The following SYT9 variants were observed in gnomAD, a reference collection of about 807,000 sequenced individuals.
The protein encoded by SYT9 is synaptotagmin 9, also known as synaptotagmin-9.
Under a neutral mutation model 48.4 loss-of-function variants are expected in SYT9, and 22 were observed. The observed-to-expected ratio is 0.45, with a 90% confidence interval of 0.32 to 0.65. SYT9 has a LOEUF of 0.65. Ranked by LOEUF, SYT9 falls within the 30% of genes least tolerant of loss-of-function variation. The pLI is 0.03. For missense variants in SYT9, 577 were observed against 622.0 expected, an observed-to-expected ratio of 0.93 and a Z score of 0.77; for synonymous variants, 265 against 245.0, an observed-to-expected ratio of 1.08 and a Z score of -0.76.
intron 3 of SYT9, among the ~76,000 whole-genome samples, chr11:7,388,915 G>C (rs942555972): frequency 6.6e-6 from 1 of 152,146 alleles, no homozygotes; most frequent in African/African-American, 2.4e-5. Flanking sequence ...GGGTGAAAAT[G>C]TGTGGTGGTT....
upstream of SYT9, among the ~76,000 whole-genome samples, chr11:7,246,912 G>T (rs1847800070): frequency 6.6e-6 from 1 of 152,152 alleles, no homozygotes; most frequent in Non-Finnish European, 1.5e-5. Flanking sequence ...TAACAAAATA[G>T]CATATACTGG....
chr11:7,363,565 A>T (rs570105675), intron 3 of SYT9, among the ~76,000 whole-genome samples: 29 of 152,322 alleles, frequency 1.9e-4, no homozygotes, highest in African/African-American at 7.0e-4. Flanking sequence ...AACATATTGA[A>T]GGCTTGGGAA....
intron 1 of SYT9, among the ~76,000 whole-genome samples, chr11:7,266,379 C>A (rs1848181809): frequency 6.6e-6 from 1 of 152,088 alleles, no homozygotes; most frequent in Non-Finnish European, 1.5e-5. Context: ...ACAAAGAGAA[C>A]TAGAAAGTCC....
intron 3 of SYT9, among the ~76,000 whole-genome samples, chr11:7,318,838 A>T: frequency 6.6e-6 from 1 of 152,200 alleles, no homozygotes. Context: ...TTGATATAGT[A>T]CATTTTCTTT....
At chr11:7,376,821 A>C (rs938318567) in intron 3 of SYT9, among the ~76,000 whole-genome samples, 5 of 151,956 alleles carry the variant, frequency 3.3e-5, no homozygotes, top group African/African-American at 9.7e-5. Context: ...CAGAGAGAGC[A>C]TACAGGGATG....
chr11:7,455,032 TGTGA>T (rs1453879268), intron 6 of SYT9, among the ~76,000 whole-genome samples: 1 of 152,216 alleles, frequency 6.6e-6, no homozygotes, highest in African/African-American at 2.4e-5. Flanking sequence ...GTTTTGACAT[TGTGA>T]GTATCTTTGA....
intron 6 of SYT9, among the ~76,000 whole-genome samples, chr11:7,462,225 T>A (rs1279635789): frequency 6.6e-6 from 1 of 152,238 alleles, no homozygotes; most frequent in South Asian, 2.1e-4. Flanking sequence ...TTGGCCTTTT[T>A]CAGACTCAGT....
intron 6 of SYT9, among the ~76,000 whole-genome samples, chr11:7,448,722 C>T (rs1847985128): frequency 6.6e-6 from 1 of 152,206 alleles, no homozygotes; most frequent in Admixed American, 6.5e-5. Flanking sequence ...CTTAAAATAA[C>T]TCACTTTTCA....
chr11:7,275,472 A>G (rs1848370431), intron 1 of SYT9, among the ~76,000 whole-genome samples: 1 of 152,174 alleles, frequency 6.6e-6, no homozygotes, highest in African/African-American at 2.4e-5. Flanking sequence ...TGCAACACCA[A>G]ATCCCATTCT....
At chr11:7,367,072 CTTTTTTTTTTTT>C (rs35502843) in intron 3 of SYT9, among the ~76,000 whole-genome samples, 6 of 53,266 alleles carry the variant, frequency 1.1e-4, no homozygotes, top group East Asian at 7.3e-4. Flanking sequence ...AGGAGACCAT[CTTTTTTTTTTTT>C]TTTTTTTTTT....
intron 1 of SYT9, among the ~76,000 whole-genome samples, chr11:7,260,623 C>T (rs1342794934): frequency 2.6e-5 from 4 of 152,164 alleles, no homozygotes; most frequent in African/African-American, 9.7e-5. Context: ...ATTTCAGTTC[C>T]ATGAATGCAG....
At chr11:7,395,631 G>A (rs188064935) in intron 3 of SYT9, among the ~76,000 whole-genome samples, 136 of 152,140 alleles carry the variant, frequency 8.9e-4, no homozygotes, top group African/African-American at 3.2e-3. Flanking sequence ...TTGGTTTAAT[G>A]TATGTTTTAC....
At chr11:7,305,861 C>G in intron 2 of SYT9, among the ~76,000 whole-genome samples, 1 of 152,128 alleles carries the variant, frequency 6.6e-6, no homozygotes. Context: ...GGCACAGTTT[C>G]TGTCACACCA....
At chr11:7,328,349 TTTC>T (rs1849472212) in intron 3 of SYT9, among the ~76,000 whole-genome samples, 1 of 152,082 alleles carries the variant, frequency 6.6e-6, no homozygotes, top group Non-Finnish European at 1.5e-5. Flanking sequence ...TTTAAATATT[TTTC>T]TTCTTTTAAA....
chr11:7,273,477 C>G (rs1006911507), intron 1 of SYT9, among the ~76,000 whole-genome samples: 1 of 151,922 alleles, frequency 6.6e-6, no homozygotes, highest in Admixed American at 6.6e-5. Flanking sequence ...AGTTAAAGTG[C>G]GAGAGAGAAC....
At chr11:7,262,655 G>A (rs539929975) in intron 1 of SYT9, among the ~76,000 whole-genome samples, 1 of 152,238 alleles carries the variant, frequency 6.6e-6, no homozygotes, top group South Asian at 2.1e-4. Context: ...ATAAGCAGCT[G>A]TGTCAAGTGC....
At chr11:7,289,676 T>G (rs1456687512) in intron 1 of SYT9, among the ~76,000 whole-genome samples, 1 of 152,212 alleles carries the variant, frequency 6.6e-6, no homozygotes, top group Non-Finnish European at 1.5e-5. Flanking sequence ...TGAAAAGAAT[T>G]GGTATTCTTT....
In SYT9 at chr11:7,467,086, C is replaced by CAGTACCAAG; in HGVS notation, c.*294_*302dup. The CAGTACCAAG allele has an allele frequency of 4.5e-6, 2 of 444,402 alleles. No homozygotes were observed. Among genetic ancestry groups the CAGTACCAAG allele is most frequent in the Non-Finnish European group, 8.1e-6 (2 of 247,048 alleles). The allele number at this position is 444,402 out of a possible 1,614,324, so 27.5% of individuals were successfully genotyped here. A position where few individuals can be genotyped will look rare whatever the true frequency, so the allele number is the denominator to read the frequency against. On this transcript the variant is annotated 3_prime_UTR_variant, in exon 7 of 7. Transcript: ENST00000318881. ...CAAAAACAAATGATAGATATAGTGA[C>CAGTACCAAG]AGTACCAAGAGTACCAGGACTCAAT...
Position 7,303,235 on chromosome 11 carries a change from C to CT in SYT9, c.344dup (p.Leu116ProfsTer9). ...CCAATGAGCAGGAGAACAGTGAGGA[C>CT]TTCCTAGATCCTCCCACGCCCTGCC... On this transcript the variant is annotated frameshift_variant, in exon 2 of 7. Transcript: ENST00000318881. LOFTEE classifies it high-confidence loss of function. 6.2e-7 allele frequency: 1 copy of CT among 1,614,140 alleles called. No individual in the cohort carries two copies. The highest frequency in any genetic ancestry group is 8.5e-7 in the Non-Finnish European group (1 of 1,180,032).
Sources: allele counts gnomAD v4.1 joint callset (sites outside exome capture counted in the v4.1 genomes callset), GRCh38; gene constraint gnomAD v4.1.1; transcripts MANE v1.5; gene names NCBI Gene and HGNC (gene_info 2026-07-23, HGNC 2026-07-21).